Variants in FMNL2 observed in about 807,000 individuals in gnomAD.
FMNL2 encodes the protein formin-like protein 2.
A neutral mutation model predicts 130.2 loss-of-function variants in FMNL2; 51 were observed. The ratio of observed to expected loss-of-function variants is 0.39; its 90% CI spans 0.31 to 0.49. The LOEUF (loss-of-function observed/expected upper bound fraction) is 0.49, where lower values mean the gene tolerates loss of function less well. Ranked by LOEUF, FMNL2 falls within the 20% of genes least tolerant of loss-of-function variation. The pLI, the probability that FMNL2 is intolerant of heterozygous loss-of-function variation, is 0.85. For missense variants in FMNL2, 977 were observed against 1,316.2 expected (o/e 0.74, Z 3.99); for synonymous variants, 465 against 467.1 (o/e 1.00, Z 0.06).
intron 9 of FMNL2, among the ~76,000 whole-genome samples, chr2:152,598,333 T>A (rs1281163463): frequency 6.6e-6 from 1 of 152,190 alleles, no homozygotes; most frequent in Non-Finnish European, 1.5e-5. Context: ...GGGGTCTGAC[T>A]GGTAAGTCAT....
chr2:152,641,054 G>A (rs758254830), intron 25 of FMNL2, 140 bp downstream of exon 25: 5 of 1,112,884 alleles, frequency 4.5e-6, no homozygotes, highest in Non-Finnish European at 6.4e-6. Context: ...GAGTGATGCA[G>A]AGAGGCTTTG....
In FMNL2 at chr2:152,447,351, C is replaced by T. The variant is rs1344428478; in HGVS notation, c.118-74592C>T. 2.0e-5 allele frequency among the ~76,000 whole-genome samples: 3 copies of T among 152,182 alleles called. No homozygotes were observed. In the East Asian group the frequency reaches 5.8e-4, roughly 29 times the overall value. On this transcript the variant is annotated intron_variant, in intron 1 of 25. Transcript: ENST00000288670. Reference sequence around the variant, plus strand: ...CTCCTGAGCTCAAGCCATCCTCCCACCTTGGCTTCCCAAAGTTTTGGGATT... The same window carrying T: ...CTCCTGAGCTCAAGCCATCCTCCCATCTTGGCTTCCCAAAGTTTTGGGATT...
chr2:152,385,723 A>G (rs767620957), intron 1 of FMNL2, among the ~76,000 whole-genome samples: 7 of 152,194 alleles, frequency 4.6e-5, no homozygotes, highest in Non-Finnish European at 7.3e-5. Context: ...ACTGCTTTCT[A>G]CTATTAATTG....
chr2:152,626,956 G>A (rs1681834373), intron 17 of FMNL2, among the ~76,000 whole-genome samples: 1 of 152,206 alleles, frequency 6.6e-6, no homozygotes, highest in African/African-American at 2.4e-5. Context: ...GGGGAGTGTT[G>A]TATTAGAACC....
At chr2:152,551,563 T>C (rs543932329) in intron 4 of FMNL2, among the ~76,000 whole-genome samples, 59 of 152,374 alleles carry the variant, frequency 3.9e-4, no homozygotes, top group Non-Finnish European at 7.6e-4. Flanking sequence ...CTCTTTGTTA[T>C]GTAAACTAAC....
intron 1 of FMNL2, among the ~76,000 whole-genome samples, chr2:152,400,498 C>T (rs1248366333): frequency 6.6e-6 from 1 of 151,952 alleles, no homozygotes; most frequent in South Asian, 2.1e-4. Context: ...GGGAAGCAGG[C>T]AGAGGGTATG....
intron 1 of FMNL2, among the ~76,000 whole-genome samples, chr2:152,507,455 GT>G (rs993810477): frequency 6.6e-6 from 1 of 152,140 alleles, no homozygotes; most frequent in Admixed American, 6.5e-5. Context: ...CTTTGCATGT[GT>G]TCTCTCATTT....
intron 9 of FMNL2, among the ~76,000 whole-genome samples, chr2:152,601,255 TATTTCCTC>T (rs1698031475): frequency 6.6e-6 from 1 of 151,952 alleles, no homozygotes; most frequent in South Asian, 2.1e-4. Context: ...TCTTCTCCTT[TATTTCCTC>T]TGTAACCCTG....
chr2:152,522,035 C>T lies in FMNL2; in HGVS notation c.201+9C>T. ...AACTGATTTGTGATCAGGTAAGAAACAGTGACACTTTCTTTTATGAAAAAA... is the reference window on the plus strand; with the variant it reads ...AACTGATTTGTGATCAGGTAAGAAATAGTGACACTTTCTTTTATGAAAAAA... On this transcript the variant is annotated intron_variant, in intron 2 of 25. Coordinates refer to ENST00000288670, the MANE Select transcript of FMNL2 (RefSeq NM_052905.4). The T allele has an allele frequency of 6.3e-6, 10 of 1,596,866 alleles. No homozygotes were observed. The highest frequency in any genetic ancestry group is 8.5e-6 in the Non-Finnish European group (10 of 1,171,660).
chr2:152,458,266 G>A (rs1218142935), intron 1 of FMNL2, among the ~76,000 whole-genome samples: 1 of 152,074 alleles, frequency 6.6e-6, no homozygotes, highest in Non-Finnish European at 1.5e-5. Flanking sequence ...AGCCCCATTT[G>A]ATATATTATT....
At chr2:152,553,263 A>G (rs1193668977) in intron 4 of FMNL2, among the ~76,000 whole-genome samples, 1 of 152,186 alleles carries the variant, frequency 6.6e-6, no homozygotes, top group Non-Finnish European at 1.5e-5. Flanking sequence ...CTGCCTTATG[A>G]TTAACTTATT....
Position 152,618,979 on chromosome 2 carries a change from T to C in FMNL2, c.1448T>C (p.Ile483Thr), listed in dbSNP as rs1699090855. 6.2e-7 allele frequency: 1 copy of C among 1,613,910 alleles called. No individual in the cohort carries two copies. The highest frequency in any genetic ancestry group is 1.3e-5 in the African/African-American group (1 of 74,924). ...HELEKQGTIK[I>T]QKKGDGDIAI... ...CTAGAGAAACAAGGGACCATTAAAATTCAGAAGAAAGGGGATGGGGATATC... is the reference window on the plus strand; with the variant it reads ...CTAGAGAAACAAGGGACCATTAAAACTCAGAAGAAAGGGGATGGGGATATC... The change falls in exon 14 of 26, where the codon ATT becomes ACT. Residue 483 changes from isoleucine to threonine, a missense_variant. This residue lies in a region of FMNL2 where 689 missense variants were observed against 995.9 expected (regional missense o/e 0.69). Transcript: ENST00000288670.
chr2:152,350,566 G>A (rs900432903), intron 1 of FMNL2, among the ~76,000 whole-genome samples: 2 of 152,220 alleles, frequency 1.3e-5, no homozygotes, highest in African/African-American at 4.8e-5. Flanking sequence ...CTGAAGGCCA[G>A]TACTTAGAAT....
intron 2 of FMNL2, among the ~76,000 whole-genome samples, chr2:152,531,820 G>A (rs1044702783): frequency 2.0e-5 from 3 of 152,192 alleles, no homozygotes; most frequent in Non-Finnish European, 4.4e-5. Flanking sequence ...GGTTTAAGAT[G>A]TAGGTCTTCA....
rs140450110 is a variant in FMNL2 at position 152,442,265 on chromosome 2, T to C, written c.118-79678T>C. ...TTCTTTCTTTTTCTTTTTCTTTTTT[T>C]TTTGAGACGGAGTTTTGGTCTTGTT... On this transcript the variant is annotated intron_variant, in intron 1 of 25. Coordinates refer to ENST00000288670, the MANE Select transcript of FMNL2 (RefSeq NM_052905.4). 4.8e-3 allele frequency among the ~76,000 whole-genome samples: 733 copies of C among 152,124 alleles called. 4 individuals carry two copies. The highest frequency in any genetic ancestry group is 0.017 in the African/African-American group (696 of 41,492).
Position 152,335,557 on chromosome 2 carries a change from G to A in FMNL2, c.-47G>A, listed in dbSNP as rs1579414042. On this transcript the variant is annotated 5_prime_UTR_variant, in exon 1 of 26. Coordinates refer to ENST00000288670, the MANE Select transcript of FMNL2 (RefSeq NM_052905.4). ...CGGGAGCTGTTCTGATTTCCGACGC[G>A]CACGCTAGGGGCCCGGAGCAGCCCC... 1.6e-5 allele frequency: 24 copies of A among 1,503,170 alleles called. No individual in the cohort carries two copies. In the East Asian group the frequency reaches 6.6e-4, roughly 41 times the overall value. The allele number at this position is 1,503,170 out of a possible 1,614,324, so 93.1% of individuals were successfully genotyped here. A position where few individuals can be genotyped will look rare whatever the true frequency, so the allele number is the denominator to read the frequency against.
chr2:152,418,379 C>T (rs1686729490), intron 1 of FMNL2, among the ~76,000 whole-genome samples: 1 of 152,116 alleles, frequency 6.6e-6, no homozygotes, highest in Non-Finnish European at 1.5e-5. Context: ...GTTGGTGGTG[C>T]AATGATCTTC....
chr2:152,373,248 T>C (rs1683984232), intron 1 of FMNL2, among the ~76,000 whole-genome samples: 1 of 152,254 alleles, frequency 6.6e-6, no homozygotes, highest in Non-Finnish European at 1.5e-5. Flanking sequence ...GAATCAGTTT[T>C]TTAAAATAAG....
At chr2:152,377,426 T>C (rs1161648518) in intron 1 of FMNL2, among the ~76,000 whole-genome samples, 1 of 152,232 alleles carries the variant, frequency 6.6e-6, no homozygotes, top group Non-Finnish European at 1.5e-5. Context: ...TTGTTGAAAG[T>C]TAATGCATTT....
Sources: allele counts gnomAD v4.1 joint callset (sites outside exome capture counted in the v4.1 genomes callset), GRCh38; gene constraint gnomAD v4.1.1; regional missense constraint gnomAD v4.1.1; transcripts MANE v1.5; gene names NCBI Gene and HGNC (gene_info 2026-07-23, HGNC 2026-07-21).